The following PLXNB3 variants were observed in gnomAD, a reference collection of about 807,000 sequenced individuals.
The protein encoded by PLXNB3 is plexin-B3.
Under a neutral mutation model 125.7 loss-of-function variants are expected in PLXNB3, and 80 were observed. The observed-to-expected ratio is 0.64, with a 90% CI of 0.53 to 0.77. The LOEUF is 0.77. PLXNB3 is among the 30% of genes least tolerant of loss of function. The pLI is 0.00. For synonymous variants in PLXNB3, 954 were observed against 783.3 expected (o/e 1.22, Z -3.64); for missense variants, 1,836 against 1,729.3 (o/e 1.06, Z -1.09).
Position 153,770,993 on chromosome X carries a change from T to C in PLXNB3, c.2165T>C (p.Leu722Pro). ...CTGCCTGCCTCCTTCCACTGCTGGC[T>C]GGAGCTGCCTGGAGAACTTCGGGGA... ...RGLPASFHCW[L>P]ELPGELRGLP... The change falls in exon 12 of 36, where the codon CTG becomes CCG. Residue 722 changes from leucine (L) to proline (P), a missense_variant. Transcript: ENST00000361971. 1 of 1,210,885 alleles carries C rather than the reference T, an allele frequency of 8.3e-7. No homozygotes were observed. Among genetic ancestry groups the C allele is most frequent in the South Asian group, 1.8e-5 (1 of 57,019 alleles).
Position 153,771,603 on chromosome X carries a change from T to C in PLXNB3, c.2465T>C (p.Leu822Ser), listed in dbSNP as rs782714649. ...DGQPACRYGPLCPPGAVELLC... is the reference protein window; with the variant it reads ...DGQPACRYGPSCPPGAVELLC... Reference sequence around the variant, plus strand: ...CAGCCTGCCTGTCGCTATGGGCCCTTGTGCCCGCCGGGGGCTGTGGAGCTG... The same window carrying C: ...CAGCCTGCCTGTCGCTATGGGCCCTCGTGCCCGCCGGGGGCTGTGGAGCTG... The change falls in exon 14 of 36, where the codon TTG becomes TCG. Residue 822 changes from leucine to serine, a missense_variant. Transcript: ENST00000361971. 2 of 1,205,989 alleles carry C rather than the reference T, an allele frequency of 1.7e-6. No individual in the cohort carries two copies. Among genetic ancestry groups the C allele is most frequent in the South Asian group, 3.5e-5 (2 of 56,412 alleles).
intron 8 of PLXNB3, 28 bp from the exon 9 acceptor site, chrX:153,770,310 C>T: frequency 8.3e-7 from 1 of 1,201,675 alleles, no homozygotes; most frequent in East Asian, 3.0e-5. Flanking sequence ...GCCACCTGAC[C>T]TGTCCTGCCC....
Position 153,767,375 on chromosome X carries a change from G to A in PLXNB3, c.548G>A (p.Arg183Gln), listed in dbSNP as rs781934370. 5.9e-6 allele frequency: 7 copies of A among 1,190,821 alleles called. No homozygotes were observed. Among genetic ancestry groups the A allele is most frequent in the South Asian group, 3.7e-5 (2 of 53,767 alleles). ...GGGCTGGTGGTGCCCTTGCCCGGCC[G>A]GGACCTCCTGCTTGTGGCCAGAGGC... ...TVGLVVPLPG[R>Q]DLLLVARGLA... Residue 183 changes from arginine (R) to glutamine (Q), a missense_variant, in exon 3 of 36, where the codon CGG becomes CAG. Coordinates refer to ENST00000361971, the MANE Select transcript of PLXNB3 (RefSeq NM_005393.3).
At chrX:153,772,711 G>C in intron 16 of PLXNB3, 175 bp from the exon 17 acceptor site, 2 of 1,028,579 alleles carry the variant, frequency 1.9e-6, no homozygotes, top group Non-Finnish European at 1.2e-6. Flanking sequence ...GTGGGTGGGA[G>C]GAAGCTGGCC....
In PLXNB3 at chrX:153,775,265, G is replaced by C; in HGVS notation, c.4196G>C (p.Arg1399Thr). The C allele has an allele frequency of 8.3e-7, 1 of 1,201,944 alleles. No homozygotes were observed. The highest frequency in any genetic ancestry group is 1.1e-6 in the Non-Finnish European group (1 of 891,008). Residue 1399 changes from arginine to threonine, a missense_variant, in exon 25 of 36, where the codon AGG (arginine) becomes ACG (threonine). By Grantham distance (71) the Arg-to-Thr change is moderately conservative. Coordinates refer to ENST00000361971, the MANE Select transcript of PLXNB3 (RefSeq NM_005393.3). ...GAGGAGCAGCCCAGCTTTTCCCAGA[G>C]GGATCGCTGCCATGTGGCTTCGCTG... ...TLEEQPSFSQ[R>T]DRCHVASLLS...
chrX:153,771,134 G>C (rs2091924271), intron 12 of PLXNB3, 53 bp downstream of exon 12: 1 of 1,058,258 alleles, frequency 9.4e-7, no homozygotes. Context: ...TAGACCCTCA[G>C]GGGTCTGCCA....
rs2091949051 is a variant in PLXNB3, at chrX:153,772,929, C to T, written c.2819C>T (p.Ala940Val). 2 of 1,178,367 alleles carry T rather than the reference C, an allele frequency of 1.7e-6. No individual in the cohort carries two copies. The highest frequency in any genetic ancestry group is 5.1e-5 in the Admixed American group (2 of 39,560). ...LSLSPRWGPQ[A>V]GGTQLTIRGQ... ...CTGAGTCCTCGCTGGGGCCCCCAGG[C>T]AGGGGGCACCCAGCTCACCATCCGA... Residue 940 changes from alanine to valine, a missense_variant, in exon 17 of 36, where the codon GCA becomes GTA. Ala to Val is a moderately conservative substitution (Grantham distance 64). Coordinates refer to ENST00000361971, the MANE Select transcript of PLXNB3 (RefSeq NM_005393.3).
At chrX:153,770,290 G>A (rs782629423) in intron 8 of PLXNB3, 42 bp downstream of exon 8, 1 of 1,203,647 alleles carries the variant, frequency 8.3e-7, no homozygotes, top group Non-Finnish European at 1.1e-6. Flanking sequence ...GGAGGCTGGA[G>A]GGGTAATGAG....
In PLXNB3 at chrX:153,773,889, A is replaced by G; in HGVS notation, c.3310A>G (p.Ser1104Gly). The change falls in exon 20 of 36, where the codon AGC becomes GGC. Residue 1104 changes from serine to glycine, a missense_variant. Physicochemically the swap from Ser to Gly is moderately conservative, Grantham distance 56. Coordinates refer to ENST00000361971, the MANE Select transcript of PLXNB3 (RefSeq NM_005393.3). ...CACCGTCTGCTCCGTCAACTCGTCC[A>G]GCCTCCTCCTGTGCCGGAGCCCTGC... is the stretch of plus-strand genomic sequence containing the variant. ...CSTVCSVNSS[S>G]LLLCRSPAVP... The G allele has an allele frequency of 8.3e-7, 1 of 1,211,225 alleles. No homozygotes were observed. Among genetic ancestry groups the G allele is most frequent in the Non-Finnish European group, 1.1e-6 (1 of 895,409 alleles).
chrX:153,773,526 G>A lies in PLXNB3; in HGVS notation c.3092G>A (p.Arg1031Gln). 1.7e-6 allele frequency: 2 copies of A among 1,197,154 alleles called. No individual in the cohort carries two copies. The highest frequency in any genetic ancestry group is 2.3e-6 in the Non-Finnish European group (2 of 887,178). The change falls in exon 19 of 36, where the codon CGA becomes CAA. Residue 1031 changes from arginine to glutamine, a missense_variant. Arg to Gln is a conservative substitution (Grantham distance 43). Transcript: ENST00000361971. Reference protein sequence around the residue: ...EPSASFRGGGRLIRVRGTGLD... With the variant: ...EPSASFRGGGQLIRVRGTGLD... The stretch of plus-strand genomic sequence containing the variant: ...CTGCCATCCTGGTACAGGGGTGGGC[G>A]ACTGATCCGTGTCAGGGGCACCGGC...
At chrX:153,765,918 C>T in intron 2 of PLXNB3, 1 of 752,826 alleles carries the variant, frequency 1.3e-6, no homozygotes, top group East Asian at 1.5e-4. Flanking sequence ...CGGGGGCTCA[C>T]CCCGGGGTCC....
Position 153,777,951 on chromosome X carries a change from G to A in PLXNB3, c.5265G>A (p.Leu1755=). 1 of 1,206,884 alleles carries A rather than the reference G, an allele frequency of 8.3e-7. No homozygotes were observed. The highest frequency in any genetic ancestry group is 1.1e-6 in the Non-Finnish European group (1 of 892,555). The change falls in exon 32 of 36, where the codon CTG becomes CTA. Residue 1755 remains leucine (L), a synonymous_variant. Transcript: ENST00000361971. Reference sequence around the variant, plus strand: ...CACGCCTGCCCTGCGCCCCCAGTCTGCTGCTGCGGTTCTGGGTGAATGCCT... The same window carrying A: ...CACGCCTGCCCTGCGCCCCCAGTCTACTGCTGCGGTTCTGGGTGAATGCCT... ...GTLHIWKTNS[L]LLRFWVNALK...
intron 4 of PLXNB3, 67 bp downstream of exon 4, chrX:153,768,495 G>A (rs1368635911): frequency 3.2e-5 from 32 of 1,010,581 alleles, no homozygotes; most frequent in East Asian, 1.3e-4. Context: ...AAAGCCCCCA[G>A]CAACTTCCAC....
At chrX:153,765,446 C>A in intron 1 of PLXNB3, 25 bp from the exon 2 acceptor site, 1 of 1,089,381 alleles carries the variant, frequency 9.2e-7, no homozygotes, top group Non-Finnish European at 1.2e-6. Flanking sequence ...TGGGGCTGAG[C>A]CTCGACTGTC....
rs1557064569 is a variant in PLXNB3, at chrX:153,776,889, C to T, written c.4836C>T (p.Val1612=). Residue 1612 remains valine (V), a splice_region_variant and synonymous_variant, in exon 29 of 36, where the codon GTC becomes GTT. Transcript: ENST00000361971. ...KRLNTLQHYK[V]PDGATVGLVP... ...CCTCCGCTCCCCATCTCTGCCAGGTCCCAGATGGAGCAACAGTGGGGCTCG... is the reference window on the plus strand; with the variant it reads ...CCTCCGCTCCCCATCTCTGCCAGGTTCCAGATGGAGCAACAGTGGGGCTCG... 13 of 1,186,540 alleles carry T rather than the reference C, an allele frequency of 1.1e-5. No homozygotes were observed. Among genetic ancestry groups the T allele is most frequent in the Non-Finnish European group, 1.5e-5 (13 of 880,077 alleles).
chrX:153,769,352 G>A, intron 6 of PLXNB3, 90 bp downstream of exon 6: 7 of 704,972 alleles, frequency 9.9e-6, no homozygotes, highest in Non-Finnish European at 1.3e-5. Flanking sequence ...GTGCCGGGAG[G>A]CCAACCCTGC....
rs1339217931 is a variant in PLXNB3, at chrX:153,777,942, C to T, written c.5262-6C>T. 8.3e-7 allele frequency: 1 copy of T among 1,203,590 alleles called. No individual in the cohort carries two copies. Among genetic ancestry groups the T allele is most frequent in the Non-Finnish European group, 1.1e-6 (1 of 891,111 alleles). ...CCTCACGCCCACGCCTGCCCTGCGC[C>T]CCCAGTCTGCTGCTGCGGTTCTGGG... On this transcript the variant is annotated splice_region_variant and splice_polypyrimidine_tract_variant and intron_variant, in intron 31 of 35. Transcript: ENST00000361971.
chrX:153,765,073 C>T (rs1379378956), intron 1 of PLXNB3, among the ~76,000 whole-genome samples: 1 of 113,221 alleles, frequency 8.8e-6, no homozygotes, highest in Admixed American at 9.2e-5. Context: ...AGGTCCACCC[C>T]GTGCCCTTCA....
intron 12 of PLXNB3, 112 bp from the exon 13 acceptor site, chrX:153,771,198 T>C: frequency 2.2e-6 from 2 of 919,178 alleles, no homozygotes; most frequent in South Asian, 4.1e-5. Context: ...GGCCCCAGTC[T>C]TGGGGGAGAG....
Sources: allele counts gnomAD v4.1 joint callset (sites outside exome capture counted in the v4.1 genomes callset), GRCh38; gene constraint gnomAD v4.1.1; transcripts MANE v1.5; gene names NCBI Gene and HGNC (gene_info 2026-07-23, HGNC 2026-07-21).